Variants in MACROD2 observed in about 807,000 individuals in gnomAD.
MACROD2 encodes the protein ADP-ribose glycohydrolase MACROD2.
In MACROD2, 36 loss-of-function variants were observed where a neutral mutation model predicts 70.4. The observed-to-expected ratio is 0.51, with a 90% CI of 0.39 to 0.68. The LOEUF (loss-of-function observed/expected upper bound fraction) is 0.68. Among genes scored for constraint, MACROD2 ranks in the 30% least tolerant of loss-of-function variants. MACROD2 has a pLI of 0.00. For missense variants in MACROD2, 496 were observed against 538.4 expected (o/e 0.92, Z 0.78); for synonymous variants, 172 against 178.8 (o/e 0.96, Z 0.30).
intron 15 of MACROD2, among the ~76,000 whole-genome samples, chr20:16,004,662 T>C (rs1411217944): frequency 6.6e-6 from 1 of 152,174 alleles, no homozygotes; most frequent in African/African-American, 2.4e-5. Context: ...CTGCGGCCCC[T>C]GTCAGCAGCC....
chr20:15,762,140 G>A (rs1298942607), intron 8 of MACROD2, among the ~76,000 whole-genome samples: 1 of 152,180 alleles, frequency 6.6e-6, no homozygotes, highest in African/African-American at 2.4e-5. Flanking sequence ...AATAATAATG[G>A]AAATAATGGC....
At chr20:14,032,498 G>T (rs1463767713) in intron 2 of MACROD2, among the ~76,000 whole-genome samples, 1 of 152,216 alleles carries the variant, frequency 6.6e-6, no homozygotes, top group African/African-American at 2.4e-5. Context: ...CCAGTGGGGG[G>T]TAAAGACTAG....
chr20:14,498,651 G>T (rs2084883140), intron 4 of MACROD2, among the ~76,000 whole-genome samples: 1 of 152,170 alleles, frequency 6.6e-6, no homozygotes, highest in Non-Finnish European at 1.5e-5. Flanking sequence ...TCTTTAAAAG[G>T]CAGAGCAGAT....
At chr20:16,035,151 A>ATATATT in intron 15 of MACROD2, among the ~76,000 whole-genome samples, 2 of 92,606 alleles carry the variant, frequency 2.2e-5, no homozygotes, top group East Asian at 5.6e-4. Context: ...TATTATATAT[A>ATATATT]AAATATAATA....
chr20:15,008,359 G>A (rs1301988429), intron 5 of MACROD2, among the ~76,000 whole-genome samples: 1 of 152,098 alleles, frequency 6.6e-6, no homozygotes, highest in Non-Finnish European at 1.5e-5. Flanking sequence ...GCTACTGAAG[G>A]TTAGGACTTC....
chr20:14,733,270 A>G (rs1351586644), intron 5 of MACROD2, among the ~76,000 whole-genome samples: 1 of 152,166 alleles, frequency 6.6e-6, no homozygotes, highest in Admixed American at 6.5e-5. Context: ...CCAAAGGACA[A>G]TAAAAATAAT....
chr20:14,581,758 A>G (rs1484922893), intron 4 of MACROD2, among the ~76,000 whole-genome samples: 1 of 152,128 alleles, frequency 6.6e-6, no homozygotes, highest in Non-Finnish European at 1.5e-5. Context: ...TCAGCTGAAC[A>G]GAGATATAAC....
chr20:15,015,858 T>C (rs989009446), intron 5 of MACROD2, among the ~76,000 whole-genome samples: 1 of 152,194 alleles, frequency 6.6e-6, no homozygotes, highest in African/African-American at 2.4e-5. Flanking sequence ...GAGCATATAG[T>C]TTTCCTCTTG....
At chr20:15,916,304 G>T (rs1455749588) in intron 10 of MACROD2, among the ~76,000 whole-genome samples, 12 of 152,344 alleles carry the variant, frequency 7.9e-5, no homozygotes, top group African/African-American at 2.9e-4. Flanking sequence ...TGAGATGGCA[G>T]CTGGCTTCCC....
chr20:14,251,222 C>G (rs1432120845), intron 3 of MACROD2, among the ~76,000 whole-genome samples: 1 of 152,026 alleles, frequency 6.6e-6, no homozygotes, highest in African/African-American at 2.4e-5. Flanking sequence ...GTACAGTGTA[C>G]TTTTTTCTGT....
intron 3 of MACROD2, among the ~76,000 whole-genome samples, chr20:14,167,344 A>G (rs913794076): frequency 1.3e-5 from 2 of 152,122 alleles, no homozygotes; most frequent in African/African-American, 4.8e-5. Flanking sequence ...GTCCTAAAAT[A>G]GTCTTTAAGA....
rs1212252402 is a variant in MACROD2 at position 14,083,497 on chromosome 20, T to TA, written c.164-2123dup. On this transcript the variant is annotated intron_variant, in intron 2 of 17. Transcript: ENST00000684519. ...ACATTCTAAGTGTAATGAACTCACT[T>TA]ACAGTGGTTTACAAACTGATGCATG... 2.0e-5 allele frequency among the ~76,000 whole-genome samples: 3 copies of TA among 152,244 alleles called. No individual in the cohort carries two copies. The East Asian group carries it at 5.8e-4, about 29-fold the overall frequency.
chr20:15,187,335 A>G (rs1426843288), intron 5 of MACROD2, among the ~76,000 whole-genome samples: 4 of 152,212 alleles, frequency 2.6e-5, no homozygotes, highest in African/African-American at 9.6e-5. Context: ...TTTATTAAGC[A>G]CTTGAACACA....
intron 5 of MACROD2, among the ~76,000 whole-genome samples, chr20:14,841,390 G>A (rs964768872): frequency 6.6e-6 from 1 of 152,098 alleles, no homozygotes; most frequent in African/African-American, 2.4e-5. Context: ...GAGGGGCAAG[G>A]GGAAACCCCA....
intron 5 of MACROD2, among the ~76,000 whole-genome samples, chr20:14,843,117 A>C (rs1187272702): frequency 6.8e-6 from 1 of 147,362 alleles, no homozygotes; most frequent in African/African-American, 2.5e-5. Context: ...CCCTGGCTTA[A>C]TTTTTATAAA....
intron 5 of MACROD2, among the ~76,000 whole-genome samples, chr20:15,158,372 T>G (rs1464321127): frequency 6.6e-6 from 1 of 152,208 alleles, no homozygotes; most frequent in Non-Finnish European, 1.5e-5. Flanking sequence ...TTTGCATATG[T>G]GTTTCCCATC....
intron 4 of MACROD2, among the ~76,000 whole-genome samples, chr20:14,661,840 A>C (rs751575699): frequency 6.6e-6 from 1 of 152,086 alleles, no homozygotes; most frequent in Admixed American, 6.6e-5. Flanking sequence ...TGGTGTTGTA[A>C]TAATATGCTC....
intron 12 of MACROD2, among the ~76,000 whole-genome samples, chr20:15,963,141 AGTTAACGAG>A (rs1284457746): frequency 6.6e-6 from 1 of 152,220 alleles, no homozygotes; most frequent in African/African-American, 2.4e-5. Context: ...TAATCAAATC[AGTTAACGAG>A]AATCAAAGAA....
intron 3 of MACROD2, among the ~76,000 whole-genome samples, chr20:14,398,202 A>G (rs1002365328): frequency 5.3e-5 from 8 of 152,204 alleles, no homozygotes; most frequent in African/African-American, 1.9e-4. Flanking sequence ...TAGTGCTTCA[A>G]TAAACATAGG....
Sources: gnomAD v4.1 joint callset for allele counts (sites outside exome capture counted in the v4.1 genomes callset) on GRCh38, gnomAD v4.1.1 for gene constraint, MANE v1.5 for transcripts, NCBI Gene and HGNC (gene_info 2026-07-23, HGNC 2026-07-21) for gene names.